Variants in UXS1 observed in about 807,000 individuals in gnomAD.
UXS1 encodes the protein UDP-glucuronate decarboxylase 1.
In UXS1, 33 loss-of-function variants were observed where a neutral mutation model predicts 62.6. That is an observed-to-expected ratio of 0.53 (90% CI 0.40 to 0.70). The LOEUF (loss-of-function observed/expected upper bound fraction) is 0.70. Among genes scored for constraint, UXS1 ranks in the 30% least tolerant of loss-of-function variants. The pLI, the probability that UXS1 is intolerant of heterozygous loss-of-function variation, is 0.00. For missense variants in UXS1, 434 were observed against 556.3 expected, an observed-to-expected ratio of 0.78 and a Z score of 2.21; for synonymous variants, 213 against 206.8, an observed-to-expected ratio of 1.03 and a Z score of -0.26.
At chr2:106,169,524 C>T (rs1683409636) in intron 1 of UXS1, among the ~76,000 whole-genome samples, 1 of 151,958 alleles carries the variant, frequency 6.6e-6, no homozygotes, top group Admixed American at 6.6e-5. Context: ...TGGTGAAAAC[C>T]CCATCTCAAA....
chr2:106,192,542 C>T (rs566076411), intron 1 of UXS1, among the ~76,000 whole-genome samples: 1 of 129,208 alleles, frequency 7.7e-6, no homozygotes, highest in African/African-American at 2.9e-5. Flanking sequence ...CTGAACAGAG[C>T]GAGACTCCGT....
chr2:106,154,063 G>A (rs1232752193), intron 5 of UXS1, among the ~76,000 whole-genome samples: 1 of 152,106 alleles, frequency 6.6e-6, no homozygotes, highest in African/African-American at 2.4e-5. Flanking sequence ...CAGAGCCTCA[G>A]ACAAATACAG....
chr2:106,112,810 T>C, intron 9 of UXS1, 45 bp from the exon 10 acceptor site: 1 of 1,583,778 alleles, frequency 6.3e-7, no homozygotes, highest in South Asian at 1.1e-5. Flanking sequence ...CCCTGTGTGG[T>C]CCACGCATCC....
At chr2:106,143,408 CAAAAAAAAAAAAAAA>C (rs60493984) in intron 6 of UXS1, among the ~76,000 whole-genome samples, 32 of 38,656 alleles carry the variant, frequency 8.3e-4, no homozygotes, top group African/African-American at 3.0e-3. Context: ...GACTCCGTCT[CAAAAAAAAAAAAAAA>C]AAAAAAAAAA....
chr2:106,158,842 T>C (rs1241812112), intron 4 of UXS1, among the ~76,000 whole-genome samples: 1 of 152,234 alleles, frequency 6.6e-6, no homozygotes, highest in Non-Finnish European at 1.5e-5. Flanking sequence ...AACATCACTA[T>C]TGTGAATCCT....
chr2:106,186,720 A>G (rs890927426), intron 1 of UXS1, among the ~76,000 whole-genome samples: 3 of 152,162 alleles, frequency 2.0e-5, no homozygotes, highest in Admixed American at 6.5e-5. Context: ...CAGGAGCCTG[A>G]GGCAGGAGGA....
chr2:106,122,778 T>A (rs1316695300), intron 9 of UXS1, among the ~76,000 whole-genome samples, 192 bp downstream of exon 9: 1 of 152,220 alleles, frequency 6.6e-6, no homozygotes, highest in Middle Eastern at 3.2e-3. Context: ...TAGGAAATCA[T>A]TTTTAAAATA....
At chr2:106,145,415 T>G in intron 5 of UXS1, 45 bp from the exon 6 acceptor site, 1 of 1,566,706 alleles carries the variant, frequency 6.4e-7, no homozygotes, top group Non-Finnish European at 8.7e-7. Flanking sequence ...AAAAAGCACA[T>G]GAGAACACAG....
intron 1 of UXS1, among the ~76,000 whole-genome samples, chr2:106,170,665 A>T (rs1344545234): frequency 1.3e-5 from 2 of 152,266 alleles, no homozygotes; most frequent in Non-Finnish European, 2.9e-5. Flanking sequence ...ACCAAAGAAC[A>T]GACACACACA....
chr2:106,155,068 C>T (rs1429607080), intron 5 of UXS1, among the ~76,000 whole-genome samples: 1 of 152,116 alleles, frequency 6.6e-6, no homozygotes, highest in Non-Finnish European at 1.5e-5. Context: ...ACAATCAGGT[C>T]TTGTGTGAAC....
chr2:106,143,890 GTC>G (rs891214787), intron 6 of UXS1, among the ~76,000 whole-genome samples: 1 of 152,170 alleles, frequency 6.6e-6, no homozygotes, highest in Non-Finnish European at 1.5e-5. Flanking sequence ...CTTCTACCCA[GTC>G]TCTCTACCTG....
intron 6 of UXS1, among the ~76,000 whole-genome samples, chr2:106,139,941 C>T (rs1478802593): frequency 4.6e-5 from 7 of 152,176 alleles, no homozygotes; most frequent in African/African-American, 1.7e-4. Flanking sequence ...AGAGGTCTTA[C>T]AGAAATACTC....
At chr2:106,127,277 C>T (rs1049950408) in intron 7 of UXS1, among the ~76,000 whole-genome samples, 11 of 152,170 alleles carry the variant, frequency 7.2e-5, no homozygotes, top group African/African-American at 1.9e-4. Context: ...ATTACTGAGT[C>T]TTACAGTAGA....
intron 9 of UXS1, among the ~76,000 whole-genome samples, chr2:106,118,140 A>G (rs547239517): frequency 4.6e-5 from 7 of 151,928 alleles, no homozygotes; most frequent in African/African-American, 1.7e-4. Flanking sequence ...CCAAGCTGCT[A>G]CTGGGCAGGT....
At chr2:106,101,209 C>T in intron 11 of UXS1, 91 bp from the exon 12 acceptor site, 3 of 1,348,136 alleles carry the variant, frequency 2.2e-6, no homozygotes, top group Non-Finnish European at 3.0e-6. Flanking sequence ...AGAAAAATTA[C>T]CACCCCCAGG....
In UXS1 at chr2:106,098,786, CG is replaced by C. The variant is rs762719032; in HGVS notation, c.985-14del. 1.2e-6 allele frequency: 2 copies of C among 1,608,720 alleles called. No individual in the cohort carries two copies. Among genetic ancestry groups the C allele is most frequent in the Non-Finnish European group, 1.7e-6 (2 of 1,177,222 alleles). On this transcript the variant is annotated splice_polypyrimidine_tract_variant and intron_variant, in intron 12 of 14. Transcript: ENST00000283148. ...CTTCTGGGTTCCCCTAAGAAAGAAA[CG>C]GTTTCCAGTTATAAGCGTCATGACA...
chr2:106,155,681 A>G (rs1682368989), intron 5 of UXS1, among the ~76,000 whole-genome samples: 1 of 152,216 alleles, frequency 6.6e-6, no homozygotes, highest in Non-Finnish European at 1.5e-5. Context: ...CCACTCTATG[A>G]TGCTCACAGA....
intron 6 of UXS1, among the ~76,000 whole-genome samples, chr2:106,142,422 C>G (rs1251380426): frequency 6.6e-6 from 1 of 152,064 alleles, no homozygotes; most frequent in Non-Finnish European, 1.5e-5. Context: ...TGTCTCATAT[C>G]TTATGTAGAA....
intron 11 of UXS1, among the ~76,000 whole-genome samples, chr2:106,103,519 C>T (rs1677785025): frequency 6.6e-6 from 1 of 152,176 alleles, no homozygotes; most frequent in Admixed American, 6.5e-5. Flanking sequence ...ACAATTTGGT[C>T]CCCATACAGA....
Sources: gnomAD v4.1 joint callset for allele counts (sites outside exome capture counted in the v4.1 genomes callset) on GRCh38, gnomAD v4.1.1 for gene constraint, MANE v1.5 for transcripts, NCBI Gene and HGNC (gene_info 2026-07-23, HGNC 2026-07-21) for gene names.